SNTG2: variants seen among roughly 807,000 people sequenced by gnomAD.
The protein encoded by SNTG2 is gamma-2-syntrophin.
SNTG2 carries 74 observed loss-of-function variants against 70.9 expected under a neutral mutation model. That is an observed-to-expected ratio of 1.04 (90% confidence interval 0.86 to 1.27). The LOEUF is 1.27. Among genes scored for constraint, SNTG2 ranks in the 50% most tolerant of loss-of-function variants. SNTG2 has a pLI of 0.00. For missense variants in SNTG2, 717 were observed against 690.7 expected, an observed-to-expected ratio of 1.04 and a Z score of -0.43; for synonymous variants, 278 against 273.8, an observed-to-expected ratio of 1.02 and a Z score of -0.15.
At chr2:1,203,520 G>A (rs575226393) in intron 8 of SNTG2, among the ~76,000 whole-genome samples, 1 of 151,744 alleles carries the variant, frequency 6.6e-6, no homozygotes, top group South Asian at 2.1e-4. Flanking sequence ...CAGGCATGGT[G>A]GTGCGTATCT....
intron 14 of SNTG2, among the ~76,000 whole-genome samples, chr2:1,273,789 T>TG (rs1558622188): frequency 1.3e-5 from 2 of 151,924 alleles, no homozygotes; most frequent in East Asian, 1.9e-4. Flanking sequence ...GCACAAACCA[T>TG]GAAAAAAAAT....
intron 16 of SNTG2, among the ~76,000 whole-genome samples, chr2:1,317,994 A>C (rs1169308669): frequency 6.6e-6 from 1 of 152,244 alleles, no homozygotes; most frequent in East Asian, 1.9e-4. Context: ...GGGTTTTACA[A>C]ACTGTATTTT....
intron 16 of SNTG2, among the ~76,000 whole-genome samples, chr2:1,352,878 G>T (rs1030027345): frequency 6.6e-5 from 10 of 152,238 alleles, no homozygotes; most frequent in African/African-American, 2.4e-4. Flanking sequence ...TGACAAAGAT[G>T]GTTTGGTGAA....
intron 16 of SNTG2, among the ~76,000 whole-genome samples, chr2:1,338,548 C>T (rs67050021): frequency 0.13 from 20,133 of 152,100 alleles, 1,442 homozygotes; most frequent in Admixed American, 0.2. Context: ...TCCCCAGCTC[C>T]GGGTAACCTC....
intron 1 of SNTG2, among the ~76,000 whole-genome samples, chr2:964,402 T>C (rs1660458808): frequency 6.6e-6 from 1 of 152,200 alleles, no homozygotes; most frequent in South Asian, 2.1e-4. Context: ...CTTTAGGATT[T>C]TTGCAGGAAA....
intron 1 of SNTG2, among the ~76,000 whole-genome samples, chr2:1,083,266 G>A (rs1488739030): frequency 2.8e-5 from 4 of 144,338 alleles, no homozygotes; most frequent in Admixed American, 6.9e-5. Context: ...AAAAACAAAC[G>A]CCTGGCTAAT....
intron 13 of SNTG2, among the ~76,000 whole-genome samples, chr2:1,262,375 C>T (rs62108068): frequency 0.093 from 14,110 of 152,206 alleles, 719 homozygotes; most frequent in South Asian, 0.15. Flanking sequence ...CAGGAGATGA[C>T]GCCATCTTGC....
At position 951,050 on chromosome 2, in the gene SNTG2, C is replaced by T. The variant is rs2147934742; in HGVS notation, c.54C>T (p.Cys18=). The T allele has an allele frequency of 7.9e-7, 1 of 1,272,630 alleles. No individual in the cohort carries two copies. The allele number at this position is 1,272,630 out of a possible 1,614,324, so 78.8% of individuals were successfully genotyped here. ...PPAASRGRQG[C]LLVPARTKTT... ...CCGCCTCCCGCGGACGCCAGGGCTG[C>T]CTGCTGGTACCTGCGCGGGTGAGTG... The change falls in exon 1 of 17, where the codon TGC becomes TGT. Residue 18 remains cysteine (C), a synonymous_variant. Transcript: ENST00000308624.
At chr2:1,337,265 A>G (rs544372814) in intron 16 of SNTG2, among the ~76,000 whole-genome samples, 35 of 152,296 alleles carry the variant, frequency 2.3e-4, no homozygotes, top group African/African-American at 7.2e-4. Context: ...AGGAACTCCC[A>G]TACTCTTTGC....
intron 1 of SNTG2, among the ~76,000 whole-genome samples, chr2:1,041,148 G>T (rs1358956089): frequency 3.9e-5 from 6 of 152,188 alleles, no homozygotes; most frequent in Non-Finnish European, 7.3e-5. Flanking sequence ...TTCTCACTGT[G>T]TGTGCTGCAG....
intron 16 of SNTG2, among the ~76,000 whole-genome samples, chr2:1,330,191 T>C (rs2148282862): frequency 6.6e-6 from 1 of 152,358 alleles, no homozygotes; most frequent in African/African-American, 2.4e-5. Flanking sequence ...AGGAATATTT[T>C]GGTTTTCTTC....
chr2:1,091,052 C>G (rs1158081186), intron 2 of SNTG2, among the ~76,000 whole-genome samples: 1 of 152,028 alleles, frequency 6.6e-6, no homozygotes, highest in Non-Finnish European at 1.5e-5. Context: ...GGGGCTGGGG[C>G]CCATCTCCTG....
At chr2:1,250,063 C>T (rs1188515665) in intron 12 of SNTG2, among the ~76,000 whole-genome samples, 2 of 152,158 alleles carry the variant, frequency 1.3e-5, no homozygotes, top group African/African-American at 2.4e-5. Context: ...AGTCACATTT[C>T]TATGTGTCCA....
chr2:1,134,226 C>T (rs1209843892), intron 4 of SNTG2, among the ~76,000 whole-genome samples: 1 of 152,110 alleles, frequency 6.6e-6, no homozygotes, highest in Non-Finnish European at 1.5e-5. Flanking sequence ...AGCAAAAGAA[C>T]AAAGCTTCCA....
rs373204416 is a variant in SNTG2 at position 1,192,054 on chromosome 2, A to G, written c.592-17049A>G. 1.4e-4 allele frequency among the ~76,000 whole-genome samples: 22 copies of G among 152,304 alleles called. No homozygotes were observed. The East Asian group carries it at 3.5e-3, about 24-fold the overall frequency. On this transcript the variant is annotated intron_variant, in intron 8 of 16. Coordinates refer to ENST00000308624, the MANE Select transcript of SNTG2 (RefSeq NM_018968.4). ...ATTGTTTCCTTCCCTATATATTAAC[A>G]TATTTTTAGATAAAAATGAAGTAGT...
intron 13 of SNTG2, among the ~76,000 whole-genome samples, chr2:1,261,379 A>G (rs9330344): frequency 0.25 from 37,403 of 152,192 alleles, 5,654 homozygotes; most frequent in Middle Eastern, 0.34. Flanking sequence ...TTCAAAGTAC[A>G]CTCATTAATA....
At position 1,223,232 on chromosome 2, in the gene SNTG2, G is replaced by A. The variant is rs1031357555; in HGVS notation, c.719+14002G>A. Among the ~76,000 whole-genome samples the A allele has an allele frequency of 4.1e-5, 5 of 120,798 alleles. No homozygotes were observed. In the South Asian group the frequency reaches 1.6e-3, roughly 39 times the overall value. 79.2% of individuals were successfully genotyped at this position (120,798 alleles called of 152,430 possible). The stretch of plus-strand genomic sequence containing the variant: ...CGTCTCCCTGTCCTGCCTGCTGCTG[G>A]AGGTGCTGGATCGCTGTAGAGGAAA... On this transcript the variant is annotated intron_variant, in intron 9 of 16. Transcript: ENST00000308624.
At chr2:1,118,137 G>A (rs1667154259) in intron 4 of SNTG2, among the ~76,000 whole-genome samples, 1 of 152,016 alleles carries the variant, frequency 6.6e-6, no homozygotes, top group African/African-American at 2.4e-5. Flanking sequence ...TCTGCACCTT[G>A]AGCACCGGAT....
chr2:1,309,142 G>A (rs1361040169), intron 15 of SNTG2, among the ~76,000 whole-genome samples: 1 of 152,160 alleles, frequency 6.6e-6, no homozygotes, highest in Non-Finnish European at 1.5e-5. Context: ...TGAGTGAAAT[G>A]GAAAGTGTTG....
Sources: gnomAD v4.1 joint callset for allele counts (sites outside exome capture counted in the v4.1 genomes callset) on GRCh38, gnomAD v4.1.1 for gene constraint, MANE v1.5 for transcripts, NCBI Gene and HGNC (gene_info 2026-07-23, HGNC 2026-07-21) for gene names.